The following LEKR1 variants were observed in gnomAD, a reference collection of about 807,000 sequenced individuals.
LEKR1 encodes the protein leucine, glutamate and lysine rich 1, also known as protein LEKR1.
In LEKR1, 59 loss-of-function variants were observed where a neutral mutation model predicts 72.4. The observed-to-expected ratio is 0.82, with a 90% confidence interval of 0.66 to 1.01. The LOEUF (loss-of-function observed/expected upper bound fraction) is 1.01. LEKR1 is among the 50% of genes least tolerant of loss of function. The pLI, the probability that LEKR1 is intolerant of heterozygous loss-of-function variation, is 0.00. For missense variants in LEKR1, 728 were observed against 759.2 expected (o/e 0.96, Z 0.48); for synonymous variants, 257 against 263.2 (o/e 0.98, Z 0.23).
At chr3:157,018,332 A>C (rs1233907745) in intron 10 of LEKR1, among the ~76,000 whole-genome samples, 1 of 152,224 alleles carries the variant, frequency 6.6e-6, no homozygotes, top group Admixed American at 6.5e-5. Flanking sequence ...AACTTGACCT[A>C]AATTATATTT....
chr3:156,826,686 G>T, intron 1 of LEKR1: 1 of 155,848 alleles, frequency 6.4e-6, no homozygotes. Context: ...GGGGGAACGG[G>T]GTTAGAAAGG....
At chr3:156,988,176 CA>C in intron 7 of LEKR1, 1 of 185,184 alleles carries the variant, frequency 5.4e-6, no homozygotes, top group Admixed American at 5.3e-5. Flanking sequence ...GCCCATTGTG[CA>C]AGCTCTGGAA....
At chr3:156,972,981 T>C (rs1451838545) in intron 6 of LEKR1, among the ~76,000 whole-genome samples, 1 of 151,852 alleles carries the variant, frequency 6.6e-6, no homozygotes, top group Non-Finnish European at 1.5e-5. Context: ...ACAAATAGAG[T>C]AGGTGTTTAA....
In LEKR1 at chr3:156,957,264, G is replaced by A. The variant is rs534398924; in HGVS notation, c.745+14550G>A. Among the ~76,000 whole-genome samples, 13 of 151,996 alleles carry A rather than the reference G, an allele frequency of 8.6e-5. No homozygotes were observed. In the South Asian group the frequency reaches 2.7e-3, roughly 32 times the overall value. On this transcript the variant is annotated intron_variant, in intron 6 of 12. Transcript: ENST00000356539. ...CCACTGGGCATCAACATAGAAACAT[G>A]CTTATGATTATGTTACAGTGTAAAA...
Position 157,020,255 on chromosome 3 carries a change from T to TTTATTATTA in LEKR1, c.1204-4473_1204-4465dup, listed in dbSNP as rs139276879. ...ATCAAAGGGACCCTGCTGATTTTCT[T>TTTATTATTA]TTATTATTATTATTATTATTATTAT... On this transcript the variant is annotated intron_variant, in intron 10 of 12. Coordinates refer to ENST00000356539, the MANE Select transcript of LEKR1 (RefSeq NM_001004316.3). 3.3e-3 allele frequency among the ~76,000 whole-genome samples: 460 copies of TTTATTATTA among 140,368 alleles called. 2 individuals are homozygous for TTTATTATTA. Among genetic ancestry groups the TTTATTATTA allele is most frequent in the Admixed American group, 6.2e-3 (86 of 13,878 alleles). 92.1% of individuals were successfully genotyped at this position (140,368 alleles called of 152,430 possible). A position where few individuals can be genotyped will look rare whatever the true frequency, so the allele number is the denominator to read the frequency against.
chr3:157,028,231 T>C lies in LEKR1; in HGVS notation c.1497T>C (p.Asn499=), dbSNP rs1185801655. 6.2e-7 allele frequency: 1 copy of C among 1,613,238 alleles called. No individual in the cohort carries two copies. The part of the protein sequence containing the change: ...ESNSKEKEIE[N]LKNLVAEFES... ...ATTCAAAGGAAAAAGAAATTGAAAA[T>C]CTTAAAAATTTGGTTGCAGAATTTG... Residue 499 remains asparagine (N), a synonymous_variant, in exon 12 of 13, where the codon AAT becomes AAC. Transcript: ENST00000356539.
At chr3:156,880,215 G>T (rs531196209) in intron 3 of LEKR1, among the ~76,000 whole-genome samples, 28 of 152,356 alleles carry the variant, frequency 1.8e-4, no homozygotes, top group Middle Eastern at 6.8e-3. Context: ...GGGCGGAGCT[G>T]CCCAAGGCTG....
chr3:157,041,442 C>T (rs1440684921), intron 12 of LEKR1, among the ~76,000 whole-genome samples: 4 of 152,092 alleles, frequency 2.6e-5, no homozygotes, highest in African/African-American at 7.2e-5. Context: ...CCATATGAGC[C>T]TCAGGATTAA....
intron 3 of LEKR1, among the ~76,000 whole-genome samples, chr3:156,915,739 T>C (rs868794263): frequency 6.6e-6 from 1 of 152,176 alleles, no homozygotes; most frequent in African/African-American, 2.4e-5. Flanking sequence ...TAGTTTCTTT[T>C]GGTGTGCAGA....
intron 3 of LEKR1, among the ~76,000 whole-genome samples, chr3:156,907,840 C>A (rs936406648): frequency 9.9e-5 from 15 of 151,432 alleles, no homozygotes; most frequent in African/African-American, 3.4e-4. Flanking sequence ...TCAATAATAT[C>A]TTTTTTTTTC....
chr3:156,990,109 T>A (rs1467780697), intron 7 of LEKR1, among the ~76,000 whole-genome samples: 1 of 152,168 alleles, frequency 6.6e-6, no homozygotes, highest in African/African-American at 2.4e-5. Flanking sequence ...CCACATTTTG[T>A]CTTTGTCTTT....
At chr3:156,999,544 A>G (rs1731853214) in intron 9 of LEKR1, among the ~76,000 whole-genome samples, 1 of 152,088 alleles carries the variant, frequency 6.6e-6, no homozygotes, top group African/African-American at 2.4e-5. Flanking sequence ...GCACAATGCC[A>G]TGTACCATTT....
chr3:156,839,782 A>G (rs962900938), intron 2 of LEKR1, among the ~76,000 whole-genome samples: 8 of 152,246 alleles, frequency 5.3e-5, no homozygotes, highest in African/African-American at 1.7e-4. Flanking sequence ...CTTTTACAAC[A>G]TGAACCTTCC....
chr3:156,934,405 T>A (rs951663043), intron 5 of LEKR1, among the ~76,000 whole-genome samples: 7 of 152,182 alleles, frequency 4.6e-5, no homozygotes, highest in Admixed American at 4.6e-4. Flanking sequence ...CTCTGAGTAT[T>A]CTCTAAGGTT....
At chr3:156,903,793 A>T (rs1359194131) in intron 3 of LEKR1, among the ~76,000 whole-genome samples, 1 of 152,190 alleles carries the variant, frequency 6.6e-6, no homozygotes, top group African/African-American at 2.4e-5. Flanking sequence ...CTGCTACCTG[A>T]AAGGGATTGC....
intron 9 of LEKR1, among the ~76,000 whole-genome samples, chr3:156,999,505 T>G (rs370755004): frequency 3.9e-5 from 6 of 152,214 alleles, no homozygotes; most frequent in African/African-American, 1.4e-4. Context: ...CTGTAGACAT[T>G]ATCTTATCTT....
chr3:156,864,223 G>C (rs1421390253), intron 3 of LEKR1, among the ~76,000 whole-genome samples: 1 of 151,720 alleles, frequency 6.6e-6, no homozygotes, highest in Non-Finnish European at 1.5e-5. Flanking sequence ...TTCTTATCCA[G>C]CTTAGATGCC....
intron 12 of LEKR1, among the ~76,000 whole-genome samples, chr3:157,036,768 G>A (rs1734997620): frequency 6.6e-6 from 1 of 152,158 alleles, no homozygotes; most frequent in Admixed American, 6.5e-5. Context: ...AGAATGTTGA[G>A]CAGAAGAATG....
chr3:156,882,997 T>A (rs1719616613), intron 3 of LEKR1, among the ~76,000 whole-genome samples: 1 of 149,820 alleles, frequency 6.7e-6, no homozygotes, highest in African/African-American at 2.5e-5. Context: ...CTCTGGGGAC[T>A]GTTGTGGGTT....
Sources: allele counts gnomAD v4.1 joint callset (sites outside exome capture counted in the v4.1 genomes callset), GRCh38; gene constraint gnomAD v4.1.1; transcripts MANE v1.5; gene names NCBI Gene and HGNC (gene_info 2026-07-23, HGNC 2026-07-21).